ATP8A2: variants seen among roughly 807,000 people sequenced by gnomAD.
ATP8A2 encodes the protein ATPase phospholipid transporting 8A2.
ATP8A2 carries 100 observed loss-of-function variants against 165.6 expected under a neutral mutation model. The observed-to-expected ratio is 0.60, with a 90% CI of 0.51 to 0.71. ATP8A2 has a LOEUF of 0.71. Among genes scored for constraint, ATP8A2 ranks in the 30% least tolerant of loss-of-function variants. ATP8A2 has a pLI of 0.00. For missense variants in ATP8A2, 1,227 were observed against 1,479.5 expected, an observed-to-expected ratio of 0.83 and a Z score of 2.80; for synonymous variants, 543 against 548.8, an observed-to-expected ratio of 0.99 and a Z score of 0.15.
intron 33 of ATP8A2, among the ~76,000 whole-genome samples, chr13:25,889,474 C>T (rs1237501883): frequency 6.6e-6 from 1 of 151,734 alleles, no homozygotes; most frequent in East Asian, 1.9e-4. Flanking sequence ...TGGTCATAAC[C>T]CTATTCACAC....
intron 24 of ATP8A2, among the ~76,000 whole-genome samples, chr13:25,693,387 G>A (rs2042769111): frequency 6.6e-6 from 1 of 152,172 alleles, no homozygotes; most frequent in African/African-American, 2.4e-5. Context: ...TGCCGAGTGG[G>A]CATGGAAAGT....
intron 1 of ATP8A2, among the ~76,000 whole-genome samples, chr13:25,447,717 A>G (rs1189197493): frequency 1.3e-5 from 2 of 152,184 alleles, no homozygotes; most frequent in African/African-American, 4.8e-5. Flanking sequence ...GTACTCTGCC[A>G]TTTCAGTACA....
At chr13:25,407,017 A>T (rs1382905046) in intron 1 of ATP8A2, among the ~76,000 whole-genome samples, 2 of 152,188 alleles carry the variant, frequency 1.3e-5, no homozygotes, top group Non-Finnish European at 2.9e-5. Flanking sequence ...AAGGACACTT[A>T]CCTGGCAGTG....
At chr13:25,836,813 G>A (rs927099873) in intron 28 of ATP8A2, among the ~76,000 whole-genome samples, 6 of 152,170 alleles carry the variant, frequency 3.9e-5, no homozygotes, top group South Asian at 2.1e-4. Flanking sequence ...TAAATTTTAC[G>A]TCAGCTAGCG....
chr13:25,971,502 T>C (rs908419985), intron 35 of ATP8A2, among the ~76,000 whole-genome samples: 2 of 152,086 alleles, frequency 1.3e-5, no homozygotes, highest in Admixed American at 1.3e-4. Flanking sequence ...TTTCCTACCC[T>C]CATCTGATCT....
intron 1 of ATP8A2, among the ~76,000 whole-genome samples, chr13:25,415,160 A>C (rs938758022): frequency 2.6e-5 from 4 of 152,350 alleles, no homozygotes; most frequent in South Asian, 2.1e-4. Context: ...AATGTTATTC[A>C]CTGTCACGTT....
chr13:26,010,706 A>G (rs966221603), intron 35 of ATP8A2, among the ~76,000 whole-genome samples: 1 of 152,224 alleles, frequency 6.6e-6, no homozygotes, highest in African/African-American at 2.4e-5. Context: ...CATGCCTTCC[A>G]GGGCAATTGC....
chr13:25,765,802 C>T (rs1041106833), intron 25 of ATP8A2, among the ~76,000 whole-genome samples: 8 of 152,114 alleles, frequency 5.3e-5, no homozygotes, highest in Non-Finnish European at 1.0e-4. Context: ...TCCTCATTTC[C>T]CATTGGTTGG....
chr13:25,472,597 A>G (rs931002276), intron 2 of ATP8A2, among the ~76,000 whole-genome samples: 2 of 152,230 alleles, frequency 1.3e-5, no homozygotes, highest in African/African-American at 4.8e-5. Context: ...GAATATTTTT[A>G]TAAAAGGATA....
At chr13:25,794,859 A>ACC (rs1555267846) in intron 27 of ATP8A2, among the ~76,000 whole-genome samples, 48 of 143,704 alleles carry the variant, frequency 3.3e-4, no homozygotes, top group African/African-American at 1.1e-3. Context: ...ACACACACAC[A>ACC]CCTTCTCTCT....
intron 33 of ATP8A2, among the ~76,000 whole-genome samples, chr13:25,874,191 T>C (rs637499): frequency 0.29 from 43,479 of 152,024 alleles, 7,203 homozygotes; most frequent in African/African-American, 0.44. Flanking sequence ...CCTGCGAGGC[T>C]TACCACTGCT....
intron 18 of ATP8A2, among the ~76,000 whole-genome samples, chr13:25,574,203 G>C (rs546794916): frequency 6.6e-6 from 1 of 152,336 alleles, no homozygotes; most frequent in South Asian, 2.1e-4. Context: ...AAGAAAAAGA[G>C]CGTTTGATTG....
rs117377803 is a variant in ATP8A2, at chr13:25,385,975, C to T, written c.76+13687C>T. Among the ~76,000 whole-genome samples the T allele has an allele frequency of 1.2e-3, 184 of 148,654 alleles. 5 individuals are homozygous for T. In the East Asian group the frequency reaches 0.03, roughly 24 times the overall value. On this transcript the variant is annotated intron_variant, in intron 1 of 36. Coordinates refer to ENST00000381655, the MANE Select transcript of ATP8A2 (RefSeq NM_016529.6). Reference sequence around the variant, plus strand: ...TTGCCCAGGCTGGAGTGCAGTGGTTCGACCTTAGCGGTACACTGCAACCTC... The same window carrying T: ...TTGCCCAGGCTGGAGTGCAGTGGTTTGACCTTAGCGGTACACTGCAACCTC...
chr13:25,706,350 A>G (rs1017965614), intron 25 of ATP8A2, among the ~76,000 whole-genome samples: 1 of 152,194 alleles, frequency 6.6e-6, no homozygotes, highest in African/African-American at 2.4e-5. Context: ...TCCTAAGCTT[A>G]TCACTCACTT....
intron 33 of ATP8A2, among the ~76,000 whole-genome samples, chr13:25,910,088 C>T (rs962500282): frequency 2.6e-5 from 4 of 152,114 alleles, no homozygotes; most frequent in African/African-American, 4.8e-5. Context: ...TGAAGAATAC[C>T]GCAGTGAAAA....
intron 29 of ATP8A2, among the ~76,000 whole-genome samples, chr13:25,837,600 A>G (rs1214514393): frequency 6.6e-6 from 1 of 152,126 alleles, no homozygotes; most frequent in African/African-American, 2.4e-5. Context: ...CAGTGTGGGC[A>G]GCAGTTCCCA....
At chr13:25,676,683 T>A (rs534118377) in intron 24 of ATP8A2, among the ~76,000 whole-genome samples, 16 of 152,236 alleles carry the variant, frequency 1.1e-4, no homozygotes, top group East Asian at 1.9e-4. Flanking sequence ...AGTGATTTTT[T>A]AAAAAAAATT....
At chr13:25,951,495 A>G (rs1022795090) in intron 33 of ATP8A2, among the ~76,000 whole-genome samples, 1 of 152,216 alleles carries the variant, frequency 6.6e-6, no homozygotes, top group African/African-American at 2.4e-5. Flanking sequence ...GTGGAGATTG[A>G]ATGAAAAAGG....
chr13:25,478,105 A>C (rs966732839), intron 2 of ATP8A2, among the ~76,000 whole-genome samples: 1 of 152,180 alleles, frequency 6.6e-6, no homozygotes, highest in African/African-American at 2.4e-5. Context: ...GGATGGTCAG[A>C]AGAAAAAAGG....
Sources: allele counts gnomAD v4.1 joint callset (sites outside exome capture counted in the v4.1 genomes callset), GRCh38; gene constraint gnomAD v4.1.1; transcripts MANE v1.5; gene names NCBI Gene and HGNC (gene_info 2026-07-23, HGNC 2026-07-21).